IL15RA: variants seen among roughly 807,000 people sequenced by gnomAD.
IL15RA encodes the protein interleukin-15 receptor subunit alpha.
A neutral mutation model predicts 24.2 loss-of-function variants in IL15RA; 26 were observed. The ratio of observed to expected loss-of-function variants is 1.07; its 90% CI spans 0.79 to 1.49. The LOEUF is 1.49. Among genes scored for constraint, IL15RA ranks in the 40% most tolerant of loss-of-function variants. The pLI is 0.00. For synonymous variants in IL15RA, 166 were observed against 157.6 expected (o/e 1.05, Z -0.40); for missense variants, 354 against 356.4 (o/e 0.99, Z 0.05).
In IL15RA at chr10:5,953,796, C is replaced by T. The variant is rs1463898334; in HGVS notation, c.693-590G>A. 5.9e-6 allele frequency: 1 copy of T among 168,822 alleles called. No individual in the cohort carries two copies. Among genetic ancestry groups the T allele is most frequent in the Non-Finnish European group, 1.3e-5 (1 of 77,484 alleles). The allele number at this position is 168,822 out of a possible 1,614,324, so 10.5% of individuals were successfully genotyped here. A position where few individuals can be genotyped will look rare whatever the true frequency, so the allele number is the denominator to read the frequency against. On this transcript the variant is annotated intron_variant, in intron 6 of 6. Transcript: ENST00000379977. This position sits in a 1 kb window ranked among gnomAD's most constrained non-coding sequence, Gnocchi z 5.3. ...TATGTGTGAAATAAATAAAGAAATA[C>T]ACAAATCAATCAGCTCCCGAATGAC... is the stretch of plus-strand genomic sequence containing the variant.
Position 5,977,503 on chromosome 10 carries a change from C to A in IL15RA, c.-11G>T. The A allele has an allele frequency of 2.2e-6, 3 of 1,347,460 alleles. No individual in the cohort carries two copies. The highest frequency in any genetic ancestry group is 2.9e-6 in the Non-Finnish European group (3 of 1,050,882). 83.5% of individuals were successfully genotyped at this position (1,347,460 alleles called of 1,614,324 possible). ...CCGCCGCGGGGCCATGGCGGCAGCT[C>A]CACAGGACACCGCTGGACTCCCCGG... On this transcript the variant is annotated 5_prime_UTR_variant, in exon 1 of 7. Transcript: ENST00000379977.
In IL15RA at chr10:5,964,894, G is replaced by A. The variant is rs914023640; in HGVS notation, c.284-1053C>T. On this transcript the variant is annotated intron_variant, in intron 2 of 6. Coordinates refer to ENST00000379977, the MANE Select transcript of IL15RA (RefSeq NM_002189.4). This position sits in a 1 kb window ranked among gnomAD's most constrained non-coding sequence, Gnocchi z 5.6. ...TGCCACGGGGTGCTGTGTCCCCAGC[G>A]AGTGATTTCTTGGAACAAGTCGGAG... Among the ~76,000 whole-genome samples the A allele has an allele frequency of 2.0e-5, 3 of 152,200 alleles. No homozygotes were observed. Among genetic ancestry groups the A allele is most frequent in the African/African-American group, 4.8e-5 (2 of 41,452 alleles).
Position 5,956,373 on chromosome 10 carries a change from A to G in IL15RA, c.692+6T>C, listed in dbSNP as rs748458825. The G allele has an allele frequency of 6.2e-7, 1 of 1,608,856 alleles. No homozygotes were observed. Among genetic ancestry groups the G allele is most frequent in the Non-Finnish European group, 8.5e-7 (1 of 1,175,446 alleles). On this transcript the variant is annotated splice_donor_region_variant and intron_variant, in intron 6 of 6. Coordinates refer to ENST00000379977, the MANE Select transcript of IL15RA (RefSeq NM_002189.4). ...TCTTGCAGAGGGAGTATCCAGTGCAACTCACCTTGACTTGAGGTAGCATGC... is the reference window on the plus strand; with the variant it reads ...TCTTGCAGAGGGAGTATCCAGTGCAGCTCACCTTGACTTGAGGTAGCATGC...
At chr10:5,977,744 T>A, upstream of IL15RA, 1 of 918,378 alleles carries the variant, frequency 1.1e-6, no homozygotes, top group Non-Finnish European at 1.4e-6. Context: ...CCGGGACGCA[T>A]GGGCCGTGCC....
chr10:5,966,035 T>C lies in IL15RA; in HGVS notation c.283+110A>G, dbSNP rs1836463992. ...CGTGCCCGGCCCCCACTGGTGTGTT[T>C]AGCCTCAGACCTCAGCACAGATCCC... On this transcript the variant is annotated intron_variant, in intron 2 of 6. Coordinates refer to ENST00000379977, the MANE Select transcript of IL15RA (RefSeq NM_002189.4). The surrounding 1 kb of genome is among the most constrained non-coding windows in gnomAD (Gnocchi z 6.4). 6.6e-6 allele frequency: 5 copies of C among 753,174 alleles called. No individual in the cohort carries two copies. The Admixed American group carries it at 1.2e-4, about 18-fold the overall frequency. The allele number at this position is 753,174 out of a possible 1,614,324, so 46.7% of individuals were successfully genotyped here.
At position 5,958,326 on chromosome 10, in the gene IL15RA, A is replaced by G. The variant is rs1834889383; in HGVS notation, c.616+1428T>C. The stretch of plus-strand genomic sequence containing the variant: ...AGTCTCTCTGGAAGGATGCCTGGAA[A>G]TCTGGTAGCAAGTGTTGCTTCCTTC... On this transcript the variant is annotated intron_variant, in intron 5 of 6. Transcript: ENST00000379977. This position sits in a 1 kb window ranked among gnomAD's most constrained non-coding sequence, Gnocchi z 4.3. 2.2e-6 allele frequency: 1 copy of G among 453,700 alleles called. No homozygotes were observed. The highest frequency in any genetic ancestry group is 1.6e-5 in the South Asian group (1 of 64,088). The allele number at this position is 453,700 out of a possible 1,614,324, so 28.1% of individuals were successfully genotyped here. A position where few individuals can be genotyped will look rare whatever the true frequency, so the allele number is the denominator to read the frequency against.
At chr10:5,956,222 C>G (rs1027926836) in intron 6 of IL15RA, among the ~76,000 whole-genome samples, 157 bp downstream of exon 6, 2 of 152,124 alleles carry the variant, frequency 1.3e-5, no homozygotes, top group Non-Finnish European at 2.9e-5. Context: ...ACCACGTTGG[C>G]CAGGCTGGTC....
At position 5,973,597 on chromosome 10, in the gene IL15RA, A is replaced by G. The variant is rs1224162615; in HGVS notation, c.88+3808T>C. ...ATAAAGGGTGCTGGAATAATTGGAT[A>G]TGCATATATAGAAACAAACAAAATC... On this transcript the variant is annotated intron_variant, in intron 1 of 6. Coordinates refer to ENST00000379977, the MANE Select transcript of IL15RA (RefSeq NM_002189.4). This position sits in a 1 kb window ranked among gnomAD's most constrained non-coding sequence, Gnocchi z 4.5. Among the ~76,000 whole-genome samples the G allele has an allele frequency of 6.6e-6, 1 of 152,226 alleles. No homozygotes were observed. Among genetic ancestry groups the G allele is most frequent in the Non-Finnish European group, 1.5e-5 (1 of 68,032 alleles).
At chr10:5,972,472 T>A (rs939925690) in intron 1 of IL15RA, among the ~76,000 whole-genome samples, 15 of 152,208 alleles carry the variant, frequency 9.9e-5, no homozygotes, top group African/African-American at 3.4e-4. Context: ...CGTAAAGTCA[T>A]GAAAACATTG....
chr10:5,949,973 G>C (rs1833761045), downstream of IL15RA, among the ~76,000 whole-genome samples: 1 of 152,088 alleles, frequency 6.6e-6, no homozygotes, highest in African/African-American at 2.4e-5. This position sits in a 1 kb window ranked among gnomAD's most constrained non-coding sequence, Gnocchi z 4.4. Flanking sequence ...GTGTACGCTT[G>C]TAATCCCAGC....
Position 5,963,686 on chromosome 10 carries a change from G to GTGTA in IL15RA, c.382+56_382+57insTACA. 1 of 1,101,514 alleles carries GTGTA rather than the reference G, an allele frequency of 9.1e-7. No homozygotes were observed. The highest frequency in any genetic ancestry group is 1.3e-6 in the Non-Finnish European group (1 of 789,624). 68.2% of individuals were successfully genotyped at this position (1,101,514 alleles called of 1,614,324 possible). A position where few individuals can be genotyped will look rare whatever the true frequency, so the allele number is the denominator to read the frequency against. On this transcript the variant is annotated intron_variant, in intron 3 of 6. Coordinates refer to ENST00000379977, the MANE Select transcript of IL15RA (RefSeq NM_002189.4). The surrounding 1 kb of genome is among the most constrained non-coding windows in gnomAD (Gnocchi z 5.3). ...CCGTGAGTCTGCAGGATTGGTGAGC[G>GTGTA]GGCCTCTGGGTGTTGGGAGGGAATG... is the stretch of plus-strand genomic sequence containing the variant.
chr10:5,950,558 A>C (rs967444525), downstream of IL15RA, among the ~76,000 whole-genome samples: 5 of 152,202 alleles, frequency 3.3e-5, no homozygotes, highest in Admixed American at 3.3e-4. This position sits in a 1 kb window ranked among gnomAD's most constrained non-coding sequence, Gnocchi z 5.6. Context: ...TGAAAGGTAC[A>C]GTGGATGGGT....
Position 5,953,398 on chromosome 10 carries a change from G to A in IL15RA, c.693-192C>T, listed in dbSNP as rs929530334. ...AGAACCTAGAATGCCTACCTCTACC[G>A]AGTGTATTAAATCCTATCTAGGGGC... is the stretch of plus-strand genomic sequence containing the variant. On this transcript the variant is annotated intron_variant, in intron 6 of 6. Transcript: ENST00000379977. The surrounding 1 kb of genome is among the most constrained non-coding windows in gnomAD (Gnocchi z 5.3). The A allele has an allele frequency of 1.5e-5, 11 of 710,232 alleles. No individual in the cohort carries two copies. Among genetic ancestry groups the A allele is most frequent in the Admixed American group, 1.0e-4 (5 of 49,964 alleles). The allele number at this position is 710,232 out of a possible 1,614,324, so 44.0% of individuals were successfully genotyped here. A position where few individuals can be genotyped will look rare whatever the true frequency, so the allele number is the denominator to read the frequency against.
At chr10:5,977,576 C>G (rs2132789732), upstream of IL15RA, 1 of 1,258,580 alleles carries the variant, frequency 7.9e-7, no homozygotes, top group Middle Eastern at 2.3e-4. Context: ...TGCTCTGGGA[C>G]CTGCCGCCCC....
At position 5,964,606 on chromosome 10, in the gene IL15RA, G is replaced by A. The variant is rs1243736717; in HGVS notation, c.284-765C>T. Among the ~76,000 whole-genome samples, 1 of 152,168 alleles carries A rather than the reference G, an allele frequency of 6.6e-6. No homozygotes were observed. Among genetic ancestry groups the A allele is most frequent in the East Asian group, 1.9e-4 (1 of 5,190 alleles). ...AACCTAAAGAGGCCTCCAGTCTTTG[G>A]ACTCTAAAATCCTGATTCCGGGTTC... On this transcript the variant is annotated intron_variant, in intron 2 of 6. Coordinates refer to ENST00000379977, the MANE Select transcript of IL15RA (RefSeq NM_002189.4). The surrounding 1 kb of genome is among the most constrained non-coding windows in gnomAD (Gnocchi z 5.6).
In IL15RA at chr10:5,959,763, C is replaced by T. The variant is rs749328867; in HGVS notation, c.607G>A (p.Asp203Asn). 4.7e-5 allele frequency: 76 copies of T among 1,613,830 alleles called. No individual in the cohort carries two copies. The East Asian group carries it at 1.2e-3, about 25-fold the overall frequency. Residue 203 changes from aspartate to asparagine, a missense_variant, in exon 5 of 7, where the codon GAC (aspartate) becomes AAC (asparagine). Physicochemically the swap from Asp to Asn is conservative, Grantham distance 23 (BLOSUM62 1). Transcript: ENST00000379977. This position sits in a 1 kb window ranked among gnomAD's most constrained non-coding sequence, Gnocchi z 4.1. ...AAAGGGACACACTTACCAGTGGTGT[C>T]GCTGTGGCCCTGTGGATACACACCT... is the stretch of plus-strand genomic sequence containing the variant. ...PPGVYPQGHS[D>N]TTVAISTSTV...
At chr10:5,949,394 T>G (rs1304881372), downstream of IL15RA, 5 of 470,066 alleles carry the variant, frequency 1.1e-5, no homozygotes, top group Non-Finnish European at 1.3e-5. The surrounding 1 kb of genome is among the most constrained non-coding windows in gnomAD (Gnocchi z 4.4). Flanking sequence ...TGCCTAATAT[T>G]ACCTAAAATA....
rs559244946 is a variant in IL15RA at position 5,958,503 on chromosome 10, A to G, written c.616+1251T>C. 2.0e-5 allele frequency among the ~76,000 whole-genome samples: 3 copies of G among 152,220 alleles called. No individual in the cohort carries two copies. In the East Asian group the frequency reaches 5.8e-4, roughly 29 times the overall value. ...TGGGTTCCAGCAATTCTCCCACCTCAGCATCCCGAGTAGGTGGGACTACAG... is the reference window on the plus strand; with the variant it reads ...TGGGTTCCAGCAATTCTCCCACCTCGGCATCCCGAGTAGGTGGGACTACAG... On this transcript the variant is annotated intron_variant, in intron 5 of 6. Transcript: ENST00000379977. This position sits in a 1 kb window ranked among gnomAD's most constrained non-coding sequence, Gnocchi z 4.3.
chr10:5,949,471 C>A (rs1462824522), downstream of IL15RA, among the ~76,000 whole-genome samples: 1 of 152,164 alleles, frequency 6.6e-6, no homozygotes, highest in East Asian at 1.9e-4. This position sits in a 1 kb window ranked among gnomAD's most constrained non-coding sequence, Gnocchi z 4.4. Context: ...TTGGGTCGGG[C>A]TGGTCCTGCC....
Sources: allele counts gnomAD v4.1 joint callset (sites outside exome capture counted in the v4.1 genomes callset), GRCh38; gene constraint gnomAD v4.1.1; non-coding constraint Gnocchi (gnomAD v3.1); transcripts MANE v1.5; gene names NCBI Gene and HGNC (gene_info 2026-07-23, HGNC 2026-07-21).